The following NID2 variants were observed in gnomAD, a reference collection of about 807,000 sequenced individuals.
The protein encoded by NID2 is nidogen 2, also known as nidogen-2.
Under a neutral mutation model 145.4 loss-of-function variants are expected in NID2, and 83 were observed. That is an observed-to-expected ratio of 0.57 (90% confidence interval 0.48 to 0.69). NID2 has a LOEUF of 0.69. Among genes scored for constraint, NID2 ranks in the 30% least tolerant of loss-of-function variants. The pLI, the probability that NID2 is intolerant of heterozygous loss-of-function variation, is 0.00. For missense variants in NID2, 1,807 were observed against 1,765.7 expected, an observed-to-expected ratio of 1.02 and a Z score of -0.42; for synonymous variants, 739 against 701.3, an observed-to-expected ratio of 1.05 and a Z score of -0.85.
chr14:52,033,871 C>T (rs1474272303), intron 9 of NID2, among the ~76,000 whole-genome samples: 1 of 152,142 alleles, frequency 6.6e-6, no homozygotes, highest in Non-Finnish European at 1.5e-5. Flanking sequence ...AACAGCAGAG[C>T]CATGAGGGGT....
Position 52,068,773 on chromosome 14 carries a change from G to T in NID2, c.222C>A (p.Asn74Lys), listed in dbSNP as rs745609012. 4 of 1,603,042 alleles carry T rather than the reference G, an allele frequency of 2.5e-6. No homozygotes were observed. The highest frequency in any genetic ancestry group is 1.1e-5 in the South Asian group (1 of 91,060). ...PLHFYEARFS[N>K]LYVGTNGIIS... Reference sequence around the variant, plus strand: ...AGGAGGGGGCTGAACTTACGTAGAGGTTGCTGAATCGGGCTTCGTAGAAGT... The same window carrying T: ...AGGAGGGGGCTGAACTTACGTAGAGTTTGCTGAATCGGGCTTCGTAGAAGT... Residue 74 changes from asparagine (N) to lysine (K), a missense_variant, in exon 1 of 22, where the codon AAC becomes AAA. Transcript: ENST00000216286.
At chr14:52,021,011 C>T (rs983498146) in intron 12 of NID2, among the ~76,000 whole-genome samples, 4 of 148,732 alleles carry the variant, frequency 2.7e-5, no homozygotes, top group African/African-American at 7.4e-5. Context: ...CCACCCCTCC[C>T]ATCCCCAGCA....
intron 9 of NID2, among the ~76,000 whole-genome samples, chr14:52,030,936 G>A (rs960619264): frequency 3.9e-5 from 6 of 152,210 alleles, no homozygotes; most frequent in Admixed American, 2.0e-4. Context: ...ATAGGAGGAT[G>A]CCTGATTACA....
Position 52,015,138 on chromosome 14 carries a change from C to T in NID2, c.3166G>A (p.Gly1056Arg), listed in dbSNP as rs1318952059. Reference sequence around the variant, plus strand: ...ACACACCAGCAGAAGTCGCTCTTTCCGTGGCACTGCAGGGGGATGAAGTGG... The same window carrying T: ...ACACACCAGCAGAAGTCGCTCTTTCTGTGGCACTGCAGGGGGATGAAGTGG... The part of the protein sequence containing the change: ...LGHFIPLQCH[G>R]KSDFCWCVDK... The change falls in exon 15 of 22, where the codon GGA (glycine) becomes AGA (arginine). Residue 1056 changes from glycine to arginine, a missense_variant. Physicochemically the swap from Gly to Arg is moderately radical, Grantham distance 125. Coordinates refer to ENST00000216286, the MANE Select transcript of NID2 (RefSeq NM_007361.4). 3.1e-6 allele frequency: 5 copies of T among 1,614,102 alleles called. No homozygotes were observed. Among genetic ancestry groups the T allele is most frequent in the South Asian group, 2.2e-5 (2 of 91,080 alleles).
Position 52,005,765 on chromosome 14 carries a change from T to G in NID2, c.4089A>C (p.Ile1363=). 1 of 1,613,818 alleles carries G rather than the reference T, an allele frequency of 6.2e-7. No homozygotes were observed. The highest frequency in any genetic ancestry group is 1.1e-5 in the South Asian group (1 of 91,064). ...TTGGGCAGTAGGGGTAGACTGCAGT[T>G]ATCCCGTAGAGGTGAGATCGTTGTT... ...LPEQRSHLYG[I]TAVYPYCPTG... is the part of the protein sequence containing the mutation. Residue 1363 remains isoleucine (I), a synonymous_variant, in exon 21 of 22, where the codon ATA becomes ATC. Coordinates refer to ENST00000216286, the MANE Select transcript of NID2 (RefSeq NM_007361.4).
intron 3 of NID2, among the ~76,000 whole-genome samples, chr14:52,057,708 A>C (rs1418750230): frequency 1.1e-3 from 20 of 17,532 alleles, no homozygotes; most frequent in Non-Finnish European, 4.9e-3. Flanking sequence ...CGTCTCAAAA[A>C]AAAAAAAAAA....
chr14:52,014,147 G>A (rs762811271), intron 16 of NID2, 140 bp downstream of exon 16: 1 of 1,035,910 alleles, frequency 9.7e-7, no homozygotes, highest in Non-Finnish European at 1.5e-6. Flanking sequence ...GGTGGCATCG[G>A]GCCCATGCCG....
chr14:52,050,108 T>G (rs1162897312), intron 5 of NID2, among the ~76,000 whole-genome samples: 1 of 152,226 alleles, frequency 6.6e-6, no homozygotes, highest in East Asian at 1.9e-4. Flanking sequence ...TAACTCATCA[T>G]GCAGATTGAG....
At chr14:52,022,841 T>C (rs2140365925) in intron 12 of NID2, among the ~76,000 whole-genome samples, 1 of 152,298 alleles carries the variant, frequency 6.6e-6, no homozygotes, top group Non-Finnish European at 1.5e-5. Context: ...CTCCCGCCCC[T>C]TCACCACTGC....
At chr14:52,024,623 C>T (rs951293691) in intron 12 of NID2, among the ~76,000 whole-genome samples, 19 of 152,238 alleles carry the variant, frequency 1.2e-4, no homozygotes, top group Admixed American at 1.1e-3. Flanking sequence ...GAAGCTGCTA[C>T]ATTTTAGGGT....
At chr14:52,063,614 G>A (rs1893089513) in intron 2 of NID2, among the ~76,000 whole-genome samples, 1 of 152,212 alleles carries the variant, frequency 6.6e-6, no homozygotes, top group South Asian at 2.1e-4. Flanking sequence ...TGCCTATAGA[G>A]GCTTATCAAA....
intron 13 of NID2, among the ~76,000 whole-genome samples, chr14:52,019,650 A>G (rs1247854288): frequency 6.7e-6 from 1 of 150,022 alleles, no homozygotes; most frequent in African/African-American, 2.5e-5. Context: ...CTGCAAGCCA[A>G]CGGCACTCAC....
chr14:52,014,542 G>A (rs913717406), intron 15 of NID2, 86 bp from the exon 16 acceptor site: 37 of 1,363,722 alleles, frequency 2.7e-5, no homozygotes, highest in Non-Finnish European at 3.5e-5. Context: ...ACATACCAGA[G>A]CCTCCAAAAA....
rs761050228 is a variant in NID2 at position 52,038,917 on chromosome 14, C to G, written c.2087G>C (p.Trp696Ser). Residue 696 changes from tryptophan to serine, a missense_variant, in exon 9 of 22, where the codon TGG (tryptophan) becomes TCG (serine). Coordinates refer to ENST00000216286, the MANE Select transcript of NID2 (RefSeq NM_007361.4). ...SLTFGAINQTWSYRIHQNITY... is the reference protein window; with the variant it reads ...SLTFGAINQTSSYRIHQNITY... ...GATGTTCTGGTGGATGCGGTAGGAC[C>G]ATGTTTGGTTGATTGCACCAAAAGT... is the stretch of plus-strand genomic sequence containing the variant. 5.0e-6 allele frequency: 8 copies of G among 1,614,044 alleles called. No individual in the cohort carries two copies. The East Asian group carries it at 1.8e-4, about 36-fold the overall frequency.
chr14:52,059,645 G>A (rs190792470), intron 3 of NID2, among the ~76,000 whole-genome samples: 101 of 152,340 alleles, frequency 6.6e-4, no homozygotes, highest in African/African-American at 1.7e-3. Flanking sequence ...TTTAGGTAAT[G>A]AAGCCAGAGA....
chr14:52,025,677 T>C (rs1279482481), intron 12 of NID2, among the ~76,000 whole-genome samples: 2 of 152,184 alleles, frequency 1.3e-5, no homozygotes, highest in African/African-American at 2.4e-5. Flanking sequence ...GTGAGGGGGC[T>C]GAGTGTGCTA....
chr14:52,016,942 G>A (rs913944482), intron 14 of NID2, among the ~76,000 whole-genome samples: 10 of 152,158 alleles, frequency 6.6e-5, no homozygotes, highest in Admixed American at 3.3e-4. Flanking sequence ...TGGGGGAAGC[G>A]AATGCCGTTA....
intron 8 of NID2, 30 bp downstream of exon 8, chr14:52,040,621 T>G (rs1192452021): frequency 1.3e-6 from 2 of 1,589,180 alleles, no homozygotes; most frequent in Non-Finnish European, 1.7e-6. Flanking sequence ...TAATCCCCAT[T>G]TTACAGATGT....
At chr14:52,032,428 T>C (rs1891900552) in intron 9 of NID2, among the ~76,000 whole-genome samples, 1 of 152,198 alleles carries the variant, frequency 6.6e-6, no homozygotes, top group Non-Finnish European at 1.5e-5. Flanking sequence ...TCTGGATCTC[T>C]TGGCTGACAG....
Sources: allele counts gnomAD v4.1 joint callset (sites outside exome capture counted in the v4.1 genomes callset), GRCh38; gene constraint gnomAD v4.1.1; transcripts MANE v1.5; gene names NCBI Gene and HGNC (gene_info 2026-07-23, HGNC 2026-07-21).